SARDH: variants seen among roughly 807,000 people sequenced by gnomAD.
SARDH encodes sarcosine dehydrogenase, also known as sarcosine dehydrogenase, mitochondrial.
A neutral mutation model predicts 109.1 loss-of-function variants in SARDH; 95 were observed. That is an observed-to-expected ratio of 0.87 (90% CI 0.74 to 1.03). SARDH has a LOEUF of 1.03. SARDH is among the 50% of genes least tolerant of loss of function. SARDH has a pLI of 0.00. For synonymous variants in SARDH, 572 were observed against 534.8 expected (o/e 1.07, Z -0.96); for missense variants, 1,267 against 1,287.8 (o/e 0.98, Z 0.25).
rs762307263 is a variant in SARDH at position 133,685,258 on chromosome 9, C to T, written c.2098G>A (p.Ala700Thr). ...SRAILQEVLDADLSNEAFPFS... is the reference protein window; with the variant it reads ...SRAILQEVLDTDLSNEAFPFS... The stretch of plus-strand genomic sequence containing the variant: ...GGGAAGGCCTCGTTGCTCAGGTCTG[C>T]GTCCAGCACCTCCTGCAAAATGGCT... Residue 700 changes from alanine to threonine, a missense_variant, in exon 17 of 21, where the codon GCA becomes ACA. By Grantham distance (58) the Ala-to-Thr change is moderately conservative (BLOSUM62 0). Coordinates refer to ENST00000439388, the MANE Select transcript of SARDH (RefSeq NM_001134707.2). 2.2e-5 allele frequency: 35 copies of T among 1,613,824 alleles called. No individual in the cohort carries two copies. Among genetic ancestry groups the T allele is most frequent in the African/African-American group, 4.0e-5 (3 of 74,910 alleles).
chr9:133,731,628 C>T (rs916620), intron 3 of SARDH, 144 bp from the exon 4 acceptor site: 248,309 of 757,438 alleles, frequency 0.33, 43,704 homozygotes, highest in East Asian at 0.37. Flanking sequence ...CGGAGCCTGT[C>T]CCTTGAATCC....
Position 133,734,203 on chromosome 9 carries a change from G to T in SARDH, c.-30C>A, listed in dbSNP as rs372869811. The T allele has an allele frequency of 5.3e-6, 8 of 1,505,118 alleles. No individual in the cohort carries two copies. In the African/African-American group the frequency reaches 8.3e-5, roughly 16 times the overall value. The allele number at this position is 1,505,118 out of a possible 1,614,324, so 93.2% of individuals were successfully genotyped here. A position where few individuals can be genotyped will look rare whatever the true frequency, so the allele number is the denominator to read the frequency against. The stretch of plus-strand genomic sequence containing the variant: ...GCTCCAGGCCTCAGCGAAACAGGGA[G>T]CTGGGGAGAGAATCAGAGCTGGGTG... On this transcript the variant is annotated splice_region_variant and 5_prime_UTR_variant, in exon 2 of 21. Coordinates refer to ENST00000439388, the MANE Select transcript of SARDH (RefSeq NM_001134707.2).
downstream of SARDH, among the ~76,000 whole-genome samples, chr9:133,663,380 C>A (rs1200749684): frequency 6.6e-6 from 1 of 152,254 alleles, no homozygotes. Context: ...CCGAGAGGCA[C>A]CATCCTGAAG....
chr9:133,713,533 G>C (rs1473253566), intron 8 of SARDH, among the ~76,000 whole-genome samples: 1 of 152,254 alleles, frequency 6.6e-6, no homozygotes, highest in Non-Finnish European at 1.5e-5. Context: ...GCAGAGACCA[G>C]TTTTCTCACT....
At chr9:133,701,648 C>T (rs963767286) in intron 13 of SARDH, among the ~76,000 whole-genome samples, 7 of 152,208 alleles carry the variant, frequency 4.6e-5, no homozygotes, top group Non-Finnish European at 1.0e-4. Flanking sequence ...GCGGAGGTGC[C>T]AGACGGAGCC....
At position 133,668,334 on chromosome 9, in the gene SARDH, T is replaced by A. The variant is rs1209513067; in HGVS notation, c.2496-1464A>T. On this transcript the variant is annotated intron_variant, in intron 19 of 20. Transcript: ENST00000439388. Reference sequence around the variant, plus strand: ...CTCTCCCCCACCCTCCCTCTCCCTCTCCCTCATTCTCCCTCACCCTCCCTC... The same window carrying A: ...CTCTCCCCCACCCTCCCTCTCCCTCACCCTCATTCTCCCTCACCCTCCCTC... Among the ~76,000 whole-genome samples the A allele has an allele frequency of 3.0e-3, 198 of 66,456 alleles. 7 individuals carry two copies. Among genetic ancestry groups the A allele is most frequent in the Admixed American group, 0.027 (156 of 5,698 alleles). The allele number at this position is 66,456 out of a possible 152,430, so 43.6% of individuals were successfully genotyped here.
intron 18 of SARDH, 41 bp from the exon 19 acceptor site, chr9:133,670,793 G>T: frequency 1.3e-6 from 2 of 1,516,106 alleles, no homozygotes; most frequent in East Asian, 2.3e-5. Context: ...CACCCTGAGG[G>T]GGATAAGCCC....
intron 17 of SARDH, among the ~76,000 whole-genome samples, chr9:133,676,197 T>A (rs1045184902): frequency 2.0e-5 from 3 of 152,060 alleles, no homozygotes; most frequent in African/African-American, 7.3e-5. Context: ...GAACTTCGGA[T>A]GCATAACACA....
chr9:133,688,307 T>C (rs1038700475), intron 16 of SARDH, among the ~76,000 whole-genome samples: 1 of 152,176 alleles, frequency 6.6e-6, no homozygotes, highest in Non-Finnish European at 1.5e-5. Flanking sequence ...CTCTTCATCA[T>C]GCACGCGGAA....
At chr9:133,659,804 CCT>C (rs1258172226), downstream of SARDH, among the ~76,000 whole-genome samples, 3 of 152,168 alleles carry the variant, frequency 2.0e-5, no homozygotes, top group African/African-American at 4.8e-5. Context: ...CCACTCCGGC[CCT>C]CTGTCATCTT....
chr9:133,739,116 G>T (rs1196815044), upstream of SARDH, among the ~76,000 whole-genome samples: 1 of 152,170 alleles, frequency 6.6e-6, no homozygotes, highest in Non-Finnish European at 1.5e-5. Flanking sequence ...TAGACACCCA[G>T]AGGAGGGGTG....
chr9:133,724,151 G>A (rs546021792), intron 6 of SARDH, among the ~76,000 whole-genome samples: 36 of 152,156 alleles, frequency 2.4e-4, no homozygotes, highest in Admixed American at 1.0e-3. Context: ...ATAAAAAAGC[G>A]AAAAGGCTAT....
intron 17 of SARDH, among the ~76,000 whole-genome samples, chr9:133,672,194 G>A (rs201283063): frequency 2.0e-5 from 3 of 152,126 alleles, no homozygotes; most frequent in South Asian, 2.1e-4. Context: ...GCACCACTGC[G>A]ATTTCTGCCT....
intron 10 of SARDH, among the ~76,000 whole-genome samples, chr9:133,711,848 G>A (rs939458669): frequency 6.6e-6 from 1 of 152,182 alleles, no homozygotes; most frequent in Non-Finnish European, 1.5e-5. Context: ...CACGGGGAGT[G>A]GCCCGGGCCA....
At chr9:133,696,149 G>C in intron 14 of SARDH, 74 bp downstream of exon 14, 1 of 1,581,036 alleles carries the variant, frequency 6.3e-7, no homozygotes, top group Non-Finnish European at 8.6e-7. Context: ...AGGGTGGCTT[G>C]CCAGCTCATC....
In SARDH at chr9:133,704,645, C is replaced by T. The variant is rs952259060; in HGVS notation, c.1554+303G>A. On this transcript the variant is annotated intron_variant, in intron 12 of 20. Transcript: ENST00000439388. This position sits in a 1 kb window ranked among gnomAD's most constrained non-coding sequence, Gnocchi z 4.5. ...GGGAGTCTTCTTGCTGTCTCCCCAC[C>T]GCAGGACACCCCTTCTGCTCTGCCT... Among the ~76,000 whole-genome samples the T allele has an allele frequency of 2.0e-5, 3 of 152,206 alleles. No homozygotes were observed. Among genetic ancestry groups the T allele is most frequent in the African/African-American group, 4.8e-5 (2 of 41,430 alleles).
At chr9:133,691,060 G>A (rs1031146332) in intron 15 of SARDH, among the ~76,000 whole-genome samples, 1 of 152,128 alleles carries the variant, frequency 6.6e-6, no homozygotes, top group African/African-American at 2.4e-5. Context: ...AGAGAATGAA[G>A]GCAAAGAGAC....
In SARDH at chr9:133,666,128, G is replaced by A. The variant is rs964097068; in HGVS notation, c.2631+607C>T. On this transcript the variant is annotated intron_variant, in intron 20 of 20. Transcript: ENST00000439388. This position sits in a 1 kb window ranked among gnomAD's most constrained non-coding sequence, Gnocchi z 5.2. Reference sequence around the variant, plus strand: ...TGCCTGCTCTTTCCAGCCTGTTCCTGCCTCCTGCAGCCAGGGGTCAGGGTC... The same window carrying A: ...TGCCTGCTCTTTCCAGCCTGTTCCTACCTCCTGCAGCCAGGGGTCAGGGTC... Among the ~76,000 whole-genome samples the A allele has an allele frequency of 6.6e-6, 1 of 152,190 alleles. No individual in the cohort carries two copies. Among genetic ancestry groups the A allele is most frequent in the African/African-American group, 2.4e-5 (1 of 41,448 alleles).
At chr9:133,700,513 G>A (rs954872418) in intron 13 of SARDH, among the ~76,000 whole-genome samples, 1 of 152,178 alleles carries the variant, frequency 6.6e-6, no homozygotes, top group Non-Finnish European at 1.5e-5. Context: ...TCTACAGAGA[G>A]AGAAAGTAGA....
Sources: gnomAD v4.1 joint callset for allele counts (sites outside exome capture counted in the v4.1 genomes callset) on GRCh38, gnomAD v4.1.1 for gene constraint, Gnocchi (gnomAD v3.1) non-coding constraint, MANE v1.5 for transcripts, NCBI Gene and HGNC (gene_info 2026-07-23, HGNC 2026-07-21) for gene names.